The following RASA2 variants were observed in gnomAD, a reference collection of about 807,000 sequenced individuals.
RASA2 encodes the protein RAS p21 protein activator 2, also known as ras GTPase-activating protein 2.
RASA2 carries 155 observed loss-of-function variants against 118.2 expected under a neutral mutation model. The observed-to-expected ratio is 1.31, with a 90% CI of 1.15 to 1.50. The LOEUF (loss-of-function observed/expected upper bound fraction) is 1.50. Among genes scored for constraint, RASA2 ranks in the 40% most tolerant of loss-of-function variants. The pLI is 0.00. For missense variants in RASA2, 1,016 were observed against 1,009.6 expected (o/e 1.01, Z -0.09); for synonymous variants, 353 against 349.1 (o/e 1.01, Z -0.12).
intron 3 of RASA2, among the ~76,000 whole-genome samples, chr3:141,520,955 G>A (rs2082103632): frequency 6.6e-6 from 1 of 152,154 alleles, no homozygotes; most frequent in Non-Finnish European, 1.5e-5. Flanking sequence ...ATGAACAGGA[G>A]ATGTGAAAAG....
intron 5 of RASA2, among the ~76,000 whole-genome samples, chr3:141,548,040 G>A (rs2082513010): frequency 6.6e-6 from 1 of 152,206 alleles, no homozygotes; most frequent in African/African-American, 2.4e-5. Flanking sequence ...AATCCCACTT[G>A]GTCATGATGA....
intron 19 of RASA2, among the ~76,000 whole-genome samples, chr3:141,604,937 A>G: frequency 6.6e-6 from 1 of 152,078 alleles, no homozygotes. Context: ...AAATAAATAA[A>G]TAAATTGAAC....
At chr3:141,528,112 TTCAATAGGCCTC>T (rs2082208624) in intron 3 of RASA2, among the ~76,000 whole-genome samples, 1 of 151,928 alleles carries the variant, frequency 6.6e-6, no homozygotes, top group South Asian at 2.1e-4. Flanking sequence ...AAGATGAACT[TTCAATAGGCCTC>T]CTTCGATTGT....
intron 9 of RASA2, among the ~76,000 whole-genome samples, chr3:141,570,351 G>A (rs972716822): frequency 7.2e-5 from 11 of 151,944 alleles, no homozygotes; most frequent in Admixed American, 7.2e-4. Context: ...CTCCCAAGCA[G>A]CTGGATTACA....
intron 3 of RASA2, among the ~76,000 whole-genome samples, chr3:141,518,534 G>A (rs548440850): frequency 9.5e-6 from 1 of 104,802 alleles, no homozygotes; most frequent in Non-Finnish European, 1.9e-5. Flanking sequence ...CGTTGTCTTT[G>A]TCCTCTTAAC....
intron 17 of RASA2, among the ~76,000 whole-genome samples, chr3:141,585,012 T>C (rs377246604): frequency 7.2e-5 from 11 of 152,152 alleles, no homozygotes; most frequent in African/African-American, 2.7e-4. Context: ...TTTTGGAACA[T>C]TTGGGATTTT....
At chr3:141,609,551 C>T (rs2083604051) in intron 22 of RASA2, 28 bp downstream of exon 22, 1 of 1,472,434 alleles carries the variant, frequency 6.8e-7, no homozygotes, top group African/African-American at 1.4e-5. Flanking sequence ...TTTTATATAA[C>T]CATAATCTTT....
intron 1 of RASA2, among the ~76,000 whole-genome samples, chr3:141,507,320 C>CA (rs1184090230): frequency 1.3e-5 from 2 of 152,140 alleles, no homozygotes; most frequent in Non-Finnish European, 2.9e-5. Context: ...GTGACAGCAT[C>CA]AACTCTAGTT....
At chr3:141,610,478 A>ATATATATAT (rs1559799834) in intron 23 of RASA2, among the ~76,000 whole-genome samples, 3 of 100,000 alleles carry the variant, frequency 3.0e-5, no homozygotes, top group African/African-American at 1.1e-4. Context: ...TATATATATA[A>ATATATATAT]ATATATATAT....
chr3:141,509,595 T>G (rs753682061), intron 1 of RASA2, among the ~76,000 whole-genome samples: 17 of 152,174 alleles, frequency 1.1e-4, no homozygotes, highest in Non-Finnish European at 1.5e-5. Context: ...AGTTGGACTT[T>G]CGTTTAAAAA....
At chr3:141,611,785 G>T (rs1167004081) in intron 23 of RASA2, among the ~76,000 whole-genome samples, 1 of 152,082 alleles carries the variant, frequency 6.6e-6, no homozygotes. Context: ...GCCTCAATTA[G>T]AAAGGTTATT....
chr3:141,601,333 C>T (rs928451378), intron 19 of RASA2, among the ~76,000 whole-genome samples: 3 of 151,978 alleles, frequency 2.0e-5, no homozygotes, highest in Admixed American at 6.6e-5. Context: ...AAGCTGAGGT[C>T]CGAGAATCAC....
chr3:141,529,029 A>G (rs1229127737), intron 3 of RASA2, among the ~76,000 whole-genome samples: 2 of 152,004 alleles, frequency 1.3e-5, no homozygotes, highest in African/African-American at 4.8e-5. Context: ...ATTTTATTAT[A>G]AGAACATTTC....
At chr3:141,539,712 C>T (rs934196784) in intron 4 of RASA2, among the ~76,000 whole-genome samples, 3 of 152,152 alleles carry the variant, frequency 2.0e-5, no homozygotes, top group Non-Finnish European at 2.9e-5. Flanking sequence ...ATTGTTAGCG[C>T]AGAATTGCTC....
intron 4 of RASA2, among the ~76,000 whole-genome samples, chr3:141,531,493 T>C (rs866802871): frequency 6.6e-6 from 1 of 151,650 alleles, no homozygotes; most frequent in South Asian, 2.1e-4. Flanking sequence ...TGTATATATA[T>C]ACACACACAT....
intron 3 of RASA2, chr3:141,525,315 CT>C (rs1012163117): frequency 6.5e-4 from 94 of 144,622 alleles, no homozygotes; most frequent in African/African-American, 1.1e-3. Context: ...TTCTTGTTGA[CT>C]TTTTTTTTTT....
chr3:141,559,999 A>G lies in RASA2; in HGVS notation c.863+4A>G. The G allele has an allele frequency of 6.2e-7, 1 of 1,605,238 alleles. No homozygotes were observed. The highest frequency in any genetic ancestry group is 8.5e-7 in the Non-Finnish European group (1 of 1,172,558). Reference sequence around the variant, plus strand: ...CTGATTCCTCTCATCAAGCCTGGTAAGGGCCCAGCATTTTAGTGAACTCCA... The same window carrying G: ...CTGATTCCTCTCATCAAGCCTGGTAGGGGCCCAGCATTTTAGTGAACTCCA... On this transcript the variant is annotated splice_donor_region_variant and intron_variant, in intron 9 of 23. Coordinates refer to ENST00000286364, the MANE Select transcript of RASA2 (RefSeq NM_006506.5).
chr3:141,505,681 C>T (rs1455046298), intron 1 of RASA2, among the ~76,000 whole-genome samples: 2 of 152,004 alleles, frequency 1.3e-5, no homozygotes, highest in African/African-American at 4.8e-5. Flanking sequence ...TAGATTTTGT[C>T]CTGTCAAGTG....
At chr3:141,488,874 T>C (rs2081608041) in intron 1 of RASA2, among the ~76,000 whole-genome samples, 1 of 152,184 alleles carries the variant, frequency 6.6e-6, no homozygotes, top group South Asian at 2.1e-4. Flanking sequence ...GGAGACTCAC[T>C]GGTACGTAAC....
Sources: allele counts gnomAD v4.1 joint callset (sites outside exome capture counted in the v4.1 genomes callset), GRCh38; gene constraint gnomAD v4.1.1; transcripts MANE v1.5; gene names NCBI Gene and HGNC (gene_info 2026-07-23, HGNC 2026-07-21).